Variants in MYH11 observed in about 807,000 individuals in gnomAD.
MYH11 encodes the protein myosin heavy chain 11, also known as myosin-11.
Under a neutral mutation model 246.6 loss-of-function variants are expected in MYH11, and 80 were observed. That is an observed-to-expected ratio of 0.32 (90% CI 0.27 to 0.39). The LOEUF is 0.39. MYH11 is among the 10% of genes least tolerant of loss of function. The pLI is 1.00. For missense variants in MYH11, 2,158 were observed against 2,546.8 expected, an observed-to-expected ratio of 0.85 and a Z score of 3.29; for synonymous variants, 1,071 against 1,015.5, an observed-to-expected ratio of 1.05 and a Z score of -1.04.
rs1370673112 is a variant in MYH11 at position 15,745,109 on chromosome 16, G to A, written c.2520+20C>T. The A allele has an allele frequency of 1.2e-5, 20 of 1,602,106 alleles. No individual in the cohort carries two copies. Among genetic ancestry groups the A allele is most frequent in the Non-Finnish European group, 1.7e-5 (20 of 1,169,224 alleles). On this transcript the variant is annotated intron_variant, in intron 20 of 40. Transcript: ENST00000300036. ...CAGGGCTGGGGGCCCCTGGGAAGGG[G>A]GCTGGGGCAGAGCACTCACTTTGGT... is the stretch of plus-strand genomic sequence containing the variant.
rs575726591 is a variant in MYH11, at chr16:15,710,790, GTC to G, written c.5786+4117_5786+4118del. On this transcript the variant is annotated intron_variant, in intron 40 of 40. Transcript: ENST00000300036. Reference sequence around the variant, plus strand: ...CTCCTGGGTTGCAAAGGAGTGTCCTGTCTCAGCCTCACGAGTAGCTGGGATTA... The same window carrying G: ...CTCCTGGGTTGCAAAGGAGTGTCCTGTCAGCCTCACGAGTAGCTGGGATTA... Among the ~76,000 whole-genome samples, 3 of 151,972 alleles carry G rather than the reference GTC, an allele frequency of 2.0e-5. No individual in the cohort carries two copies. In the South Asian group the frequency reaches 6.2e-4, roughly 32 times the overall value.
chr16:15,724,960 G>T lies in MYH11; in HGVS notation c.3891C>A (p.Asn1297Lys). 1.2e-6 allele frequency: 2 copies of T among 1,614,084 alleles called. No homozygotes were observed. Among genetic ancestry groups the T allele is most frequent in the Non-Finnish European group, 1.7e-6 (2 of 1,180,020 alleles). Residue 1297 changes from asparagine (N) to lysine (K), a missense_variant, in exon 29 of 41, where the codon AAC (asparagine) becomes AAA (lysine). Asn to Lys is a moderately conservative substitution (Grantham distance 94, BLOSUM62 0). This residue lies in a region of MYH11 where 1,013 missense variants were observed against 993.5 expected (regional missense o/e 1.02). Transcript: ENST00000300036. The stretch of plus-strand genomic sequence containing the variant: ...GCTTAATGGCCTTCCCCTCGGCCTC[G>T]TTAAGCATCCCTGTGACGCTCTCAA... The part of the protein sequence containing the change: ...NEVESVTGML[N>K]EAEGKAIKLA...
chr16:15,750,429 C>A lies in MYH11; in HGVS notation c.1865-98G>T. 2 of 1,202,204 alleles carry A rather than the reference C, an allele frequency of 1.7e-6. No individual in the cohort carries two copies. Among genetic ancestry groups the A allele is most frequent in the Non-Finnish European group, 2.4e-6 (2 of 845,088 alleles). 74.5% of individuals were successfully genotyped at this position (1,202,204 alleles called of 1,614,324 possible). On this transcript the variant is annotated intron_variant, in intron 15 of 40. Coordinates refer to ENST00000300036, the MANE Select transcript of MYH11 (RefSeq NM_002474.3). This position sits in a 1 kb window ranked among gnomAD's most constrained non-coding sequence, Gnocchi z 4.3. ...GCCCCACCCACCAACCTGCCCACTC[C>A]AATCTTTCCTTCCATCACCAACGCC...
intron 3 of MYH11, among the ~76,000 whole-genome samples, chr16:15,814,822 A>C (rs2043226912): frequency 6.6e-6 from 1 of 152,048 alleles, no homozygotes; most frequent in Non-Finnish European, 1.5e-5. Context: ...CTCACACCCC[A>C]CAGAAGGTGG....
At chr16:15,768,539 G>A (rs1307856335) in intron 9 of MYH11, among the ~76,000 whole-genome samples, 2 of 152,122 alleles carry the variant, frequency 1.3e-5, no homozygotes, top group Non-Finnish European at 2.9e-5. Context: ...GGACTAAGTT[G>A]GTTCCTATGA....
At chr16:15,747,367 G>A (rs1567723680) in intron 19 of MYH11, among the ~76,000 whole-genome samples, 1 of 152,074 alleles carries the variant, frequency 6.6e-6, no homozygotes, top group Non-Finnish European at 1.5e-5. Context: ...GAGAACCCAG[G>A]TCTAAAACTC....
intron 1 of MYH11, among the ~76,000 whole-genome samples, chr16:15,856,696 A>G (rs1351101623): frequency 6.6e-6 from 1 of 151,952 alleles, no homozygotes; most frequent in East Asian, 1.9e-4. Flanking sequence ...GATATCGTTA[A>G]TAAGCACCCC....
At chr16:15,739,959 C>G in intron 23 of MYH11, 92 bp downstream of exon 23, 1 of 1,400,148 alleles carries the variant, frequency 7.1e-7, no homozygotes, top group Non-Finnish European at 1.0e-6. Flanking sequence ...CCAGGCTAGT[C>G]TCAAACTCCT....
chr16:15,820,154 C>A (rs1230563619), intron 3 of MYH11, among the ~76,000 whole-genome samples: 2 of 152,154 alleles, frequency 1.3e-5, no homozygotes, highest in Non-Finnish European at 1.5e-5. Context: ...ACCAGTCTGA[C>A]CAACATGGTA....
At chr16:15,714,753 C>G (rs548303418) in intron 40 of MYH11, 156 bp downstream of exon 40, 186 of 985,342 alleles carry the variant, frequency 1.9e-4, no homozygotes, top group Non-Finnish European at 2.7e-4. Context: ...GCCTGGCCCA[C>G]ACTAAGCTTA....
At chr16:15,786,387 G>C in intron 5 of MYH11, 2 of 696,398 alleles carry the variant, frequency 2.9e-6, no homozygotes, top group South Asian at 3.0e-5. Flanking sequence ...TGGAAGGAAA[G>C]GGCTTATTCT....
At chr16:15,816,044 C>G (rs966077111) in intron 3 of MYH11, among the ~76,000 whole-genome samples, 1 of 152,164 alleles carries the variant, frequency 6.6e-6, no homozygotes, top group Non-Finnish European at 1.5e-5. Context: ...AGCATCAAGC[C>G]TCTCAGATAT....
At chr16:15,830,917 AT>A (rs1179723618) in intron 2 of MYH11, among the ~76,000 whole-genome samples, 1 of 151,980 alleles carries the variant, frequency 6.6e-6, no homozygotes, top group Non-Finnish European at 1.5e-5. Context: ...TAAGCCTGTA[AT>A]CCCAGCACCT....
chr16:15,816,988 G>A (rs1201705289), intron 3 of MYH11, among the ~76,000 whole-genome samples: 1 of 152,000 alleles, frequency 6.6e-6, no homozygotes, highest in African/African-American at 2.4e-5. Flanking sequence ...GCAAAATATA[G>A]GACTGTATAT....
rs1302357087 is a variant in MYH11, at chr16:15,709,769, AG to A, written c.5786+5139del. Among the ~76,000 whole-genome samples, 89 of 152,332 alleles carry A rather than the reference AG, an allele frequency of 5.8e-4. 1 individual carries two copies. The highest frequency in any genetic ancestry group is 2.0e-3 in the African/African-American group (85 of 41,580). On this transcript the variant is annotated intron_variant, in intron 40 of 40. Coordinates refer to ENST00000300036, the MANE Select transcript of MYH11 (RefSeq NM_002474.3). ...GTTGGAACAGAAGCCAAGAAGTCCC[AG>A]GCAAGGAACCTGCAGCCGCCTGTCC...
intron 40 of MYH11, 78 bp from the exon 41 acceptor site, chr16:15,704,201 A>T: frequency 6.4e-7 from 1 of 1,571,468 alleles, no homozygotes; most frequent in East Asian, 2.2e-5. Context: ...ATCTATTTTA[A>T]ACTTGTAGCT....
Position 15,717,230 on chromosome 16 carries a change from T to C in MYH11, c.5414A>G (p.Glu1805Gly). ...KELRSKLHEM[E>G]GAVKSKFKST... is the part of the protein sequence containing the mutation. ...CTTGAACTTGGACTTGACGGCCCCC[T>C]CCATCTCGTGGAGCTTGCTCCGGAG... Residue 1805 changes from glutamate to glycine, a missense_variant, in exon 38 of 41, where the codon GAG becomes GGG. Glu to Gly is a moderately conservative substitution (Grantham distance 98). Around this residue, in one of 11 missense-constraint regions of MYH11, gnomAD observed 1,013 missense variants for 993.5 expected, o/e 1.02. Coordinates refer to ENST00000300036, the MANE Select transcript of MYH11 (RefSeq NM_002474.3). 1 of 1,614,168 alleles carries C rather than the reference T, an allele frequency of 6.2e-7. No homozygotes were observed. Among genetic ancestry groups the C allele is most frequent in the Non-Finnish European group, 8.5e-7 (1 of 1,180,026 alleles).
intron 6 of MYH11, chr16:15,779,068 A>T: frequency 3.1e-6 from 2 of 636,736 alleles, no homozygotes. Flanking sequence ...ACATGTTCAC[A>T]GATCAATTTC....
chr16:15,772,893 T>G (rs969883513), intron 8 of MYH11, among the ~76,000 whole-genome samples: 2 of 152,170 alleles, frequency 1.3e-5, no homozygotes, highest in Non-Finnish European at 1.5e-5. Context: ...TATAACACTC[T>G]AATGCCTGAT....
Sources: gnomAD v4.1 joint callset for allele counts (sites outside exome capture counted in the v4.1 genomes callset) on GRCh38, gnomAD v4.1.1 for gene constraint, gnomAD v4.1.1 regional missense constraint, Gnocchi (gnomAD v3.1) non-coding constraint, MANE v1.5 for transcripts, NCBI Gene and HGNC (gene_info 2026-07-23, HGNC 2026-07-21) for gene names.